Variants in SLC25A24 observed in about 807,000 individuals in gnomAD.
SLC25A24 encodes solute carrier family 25 member 24.
A neutral mutation model predicts 60.7 loss-of-function variants in SLC25A24; 49 were observed. The observed-to-expected ratio is 0.81, with a 90% CI of 0.64 to 1.02. The LOEUF (loss-of-function observed/expected upper bound fraction) is 1.02, where lower values mean the gene tolerates loss of function less well. Ranked by LOEUF, SLC25A24 falls within the 50% of genes least tolerant of loss-of-function variation. The pLI is 0.00. For synonymous variants in SLC25A24, 202 were observed against 200.6 expected, an observed-to-expected ratio of 1.01 and a Z score of -0.06; for missense variants, 564 against 586.3, an observed-to-expected ratio of 0.96 and a Z score of 0.39.
intron 9 of SLC25A24, among the ~76,000 whole-genome samples, chr1:108,138,131 G>A (rs1012460907): frequency 2.0e-5 from 3 of 152,216 alleles, no homozygotes; most frequent in African/African-American, 7.2e-5. Flanking sequence ...CCTAACAAAA[G>A]AGGAGTTGGT....
intron 5 of SLC25A24, among the ~76,000 whole-genome samples, chr1:108,157,256 A>T (rs946983011): frequency 1.3e-5 from 2 of 152,258 alleles, no homozygotes; most frequent in African/African-American, 4.8e-5. Flanking sequence ...AAAGTTCATT[A>T]CACACATGTA....
intron 3 of SLC25A24, among the ~76,000 whole-genome samples, chr1:108,178,870 T>C (rs1218440495): frequency 1.3e-5 from 2 of 150,214 alleles, no homozygotes; most frequent in African/African-American, 4.9e-5. Context: ...AATTCACAAA[T>C]ACATGGAAAT....
chr1:108,161,694 T>C (rs1571291829), intron 3 of SLC25A24, among the ~76,000 whole-genome samples: 2 of 152,260 alleles, frequency 1.3e-5, no homozygotes, highest in Admixed American at 1.3e-4. Context: ...CATTTGAATG[T>C]AGTTTTGAAA....
intron 8 of SLC25A24, 113 bp downstream of exon 8, chr1:108,143,430 A>G (rs1196810664): frequency 2.3e-6 from 2 of 876,190 alleles, no homozygotes; most frequent in East Asian, 2.6e-5. Flanking sequence ...ACATGCTTGA[A>G]TTTACTTCTG....
chr1:108,187,927 G>GATAGATAGATATATATAT lies in SLC25A24; in HGVS notation c.184-1974_184-1973insATATATATATCTATCTAT. 6.1e-4 allele frequency among the ~76,000 whole-genome samples: 58 copies of GATAGATAGATATATATAT among 95,762 alleles called. 4 individuals carry two copies. In the Middle Eastern group the frequency reaches 0.02, roughly 33 times the overall value. The allele number at this position is 95,762 out of a possible 152,430, so 62.8% of individuals were successfully genotyped here. ...TACACGAAATGGATAAGACATTATA[G>GATAGATAGATATATATAT]ATATATATATATATATATTCATGCA... On this transcript the variant is annotated intron_variant, in intron 1 of 9. Transcript: ENST00000565488.
At chr1:108,159,466 T>G (rs1461018028) in intron 4 of SLC25A24, among the ~76,000 whole-genome samples, 9 of 92,054 alleles carry the variant, frequency 9.8e-5, no homozygotes, top group Non-Finnish European at 1.9e-4. Context: ...CTTGGGTTGT[T>G]TTTTTTTTTT....
At chr1:108,158,546 A>C (rs1679964953) in intron 4 of SLC25A24, among the ~76,000 whole-genome samples, 2 of 152,190 alleles carry the variant, frequency 1.3e-5, no homozygotes, top group Non-Finnish European at 2.9e-5. Context: ...GTATAATATT[A>C]TCTTATACTC....
chr1:108,141,766 G>T (rs1235168858), intron 8 of SLC25A24, among the ~76,000 whole-genome samples: 1 of 152,150 alleles, frequency 6.6e-6, no homozygotes, highest in Non-Finnish European at 1.5e-5. Context: ...GTCACGGAAA[G>T]AGAAATACCA....
At chr1:108,190,309 G>A (rs770100508) in intron 1 of SLC25A24, among the ~76,000 whole-genome samples, 19 of 152,122 alleles carry the variant, frequency 1.2e-4, no homozygotes, top group Non-Finnish European at 1.9e-4. Context: ...TCTCTGGTTC[G>A]TCCTAAGTTG....
chr1:108,140,746 A>G (rs922748947), intron 8 of SLC25A24, among the ~76,000 whole-genome samples: 1 of 151,894 alleles, frequency 6.6e-6, no homozygotes, highest in African/African-American at 2.4e-5. Context: ...TGTAGTTGCA[A>G]TGGTAACCAC....
intron 3 of SLC25A24, among the ~76,000 whole-genome samples, chr1:108,173,737 T>C (rs977967639): frequency 6.6e-6 from 1 of 152,132 alleles, no homozygotes; most frequent in Non-Finnish European, 1.5e-5. Flanking sequence ...AGTTTGTAAG[T>C]TCCCAGAGAC....
In SLC25A24 at chr1:108,148,878, C is replaced by T. The variant is rs148846974; in HGVS notation, c.823-492G>A. On this transcript the variant is annotated intron_variant, in intron 6 of 9. Transcript: ENST00000565488. ...GATGATGTGTCTCGAAATGTATACA[C>T]TACATTAATAATACATAGCAGAAGA... 3.5e-4 allele frequency among the ~76,000 whole-genome samples: 53 copies of T among 152,270 alleles called. No homozygotes were observed. In the South Asian group the frequency reaches 4.1e-3, roughly 12 times the overall value.
At chr1:108,154,544 A>C (rs1235324635) in intron 6 of SLC25A24, among the ~76,000 whole-genome samples, 1 of 152,208 alleles carries the variant, frequency 6.6e-6, no homozygotes, top group Non-Finnish European at 1.5e-5. Context: ...ATGGGGAAGA[A>C]GCCACGCCCC....
At chr1:108,157,056 C>T (rs1393995533) in intron 5 of SLC25A24, among the ~76,000 whole-genome samples, 1 of 152,224 alleles carries the variant, frequency 6.6e-6, no homozygotes, top group Non-Finnish European at 1.5e-5. Flanking sequence ...AGATCTTTTT[C>T]TGCTAACCTC....
At position 108,161,262 on chromosome 1, in the gene SLC25A24, A is replaced by C. The variant is rs1187259604; in HGVS notation, c.430T>G (p.Trp144Gly). 1 of 1,601,052 alleles carries C rather than the reference A, an allele frequency of 6.2e-7. No individual in the cohort carries two copies. Among genetic ancestry groups the C allele is most frequent in the South Asian group, 1.1e-5 (1 of 90,236 alleles). Reference protein sequence around the residue: ...IDVDGTMTVDWNEWRDYFLFN... With the variant: ...IDVDGTMTVDGNEWRDYFLFN... ...AAGAAGTAGTCTCTCCATTCATTCC[A>C]GTCCACTGTCATTGTCCCATCAACA... Residue 144 changes from tryptophan (W) to glycine (G), a missense_variant, in exon 4 of 10, where the codon TGG becomes GGG. Trp to Gly is a radical substitution (Grantham distance 184). Coordinates refer to ENST00000565488, the MANE Select transcript of SLC25A24 (RefSeq NM_013386.5).
At chr1:108,157,797 T>A (rs552460135) in intron 4 of SLC25A24, among the ~76,000 whole-genome samples, 177 bp from the exon 5 acceptor site, 11 of 152,308 alleles carry the variant, frequency 7.2e-5, no homozygotes, top group African/African-American at 2.6e-4. Context: ...ATGAACAAAG[T>A]ACAGTATCAG....
intron 2 of SLC25A24, among the ~76,000 whole-genome samples, chr1:108,182,862 G>A (rs1273766319): frequency 6.6e-6 from 1 of 151,942 alleles, no homozygotes; most frequent in Admixed American, 6.6e-5. Context: ...TAAAAATCTG[G>A]CAGTAAAAAT....
At position 108,135,852 on chromosome 1, in the gene SLC25A24, A is replaced by C. The variant is rs1679268194; in HGVS notation, c.*801T>G. 1 of 152,606 alleles carries C rather than the reference A, an allele frequency of 6.6e-6. No homozygotes were observed. The highest frequency in any genetic ancestry group is 2.4e-5 in the African/African-American group (1 of 41,470). The allele number at this position is 152,606 out of a possible 1,614,324, so 9.5% of individuals were successfully genotyped here. ...GAATCTGATTCAAAAGGTAGGAAAC[A>C]AAGGACAAAGGAAAACAAAGATGCT... On this transcript the variant is annotated 3_prime_UTR_variant, in exon 10 of 10. Transcript: ENST00000565488.
rs1166620236 is a variant in SLC25A24, at chr1:108,139,082, C to T, written c.1225G>A (p.Val409Met). ...CCTTGAGCCTGCATGCGAGTTCTCA[C>T]CAAAGCCAATGGGTAGCTGGCCAGC... ...GQLASYPLAL[V>M]RTRMQAQAML... The change falls in exon 9 of 10, where the codon GTG becomes ATG. Residue 409 changes from valine (V) to methionine (M), a missense_variant. Coordinates refer to ENST00000565488, the MANE Select transcript of SLC25A24 (RefSeq NM_013386.5). 2 of 1,603,892 alleles carry T rather than the reference C, an allele frequency of 1.2e-6. No individual in the cohort carries two copies. Among genetic ancestry groups the T allele is most frequent in the Non-Finnish European group, 1.7e-6 (2 of 1,175,606 alleles).
Sources: gnomAD v4.1 joint callset for allele counts (sites outside exome capture counted in the v4.1 genomes callset) on GRCh38, gnomAD v4.1.1 for gene constraint, MANE v1.5 for transcripts, NCBI Gene and HGNC (gene_info 2026-07-23, HGNC 2026-07-21) for gene names.